Variants in TACC3 observed in about 807,000 individuals in gnomAD.
The protein encoded by TACC3 is transforming acidic coiled-coil containing protein 3.
A neutral mutation model predicts 86.0 loss-of-function variants in TACC3; 52 were observed. That is an observed-to-expected ratio of 0.60 (90% CI 0.48 to 0.76). TACC3 has a LOEUF of 0.76. Ranked by LOEUF, TACC3 falls within the 30% of genes least tolerant of loss-of-function variation. TACC3 has a pLI of 0.00. For synonymous variants in TACC3, 512 were observed against 430.0 expected (o/e 1.19, Z -2.36); for missense variants, 1,120 against 1,070.4 (o/e 1.05, Z -0.65).
In TACC3 at chr4:1,737,641, C is replaced by T. The variant is rs1338487626; in HGVS notation, c.1880C>T (p.Pro627Leu). 6.5e-7 allele frequency: 1 copy of T among 1,542,456 alleles called. No individual in the cohort carries two copies. The highest frequency in any genetic ancestry group is 2.4e-5 in the East Asian group (1 of 40,824). The change falls in exon 10 of 16, where the codon CCC becomes CTC. Residue 627 changes from proline to leucine, a missense_variant. Coordinates refer to ENST00000313288, the MANE Select transcript of TACC3 (RefSeq NM_006342.3). ...PPGVPAPGGPPLSTGPIVDLL... is the reference protein window; with the variant it reads ...PPGVPAPGGPLLSTGPIVDLL... The stretch of plus-strand genomic sequence containing the variant: ...GGTGTTCCCGCGCCTGGGGGCCCAC[C>T]CCTGTCCACCGGACCTATAGTGGAC...
upstream of TACC3, chr4:1,720,758 T>G: frequency 6.3e-7 from 1 of 1,587,398 alleles, no homozygotes. The surrounding 1 kb of genome is among the most constrained non-coding windows in gnomAD (Gnocchi z 4.4). Context: ...CCCCGCCGCG[T>G]GGAACTCGTT....
Position 1,724,903 on chromosome 4 carries a change from A to G in TACC3, c.305+1033A>G, listed in dbSNP as rs572200360. On this transcript the variant is annotated intron_variant, in intron 3 of 15. Transcript: ENST00000313288. ...GGCCTCCTTAGTAGCTGGGACTACA[A>G]CTGTGAGCCACCATGCCCGGCCAAT... Among the ~76,000 whole-genome samples the G allele has an allele frequency of 6.7e-4, 99 of 148,568 alleles. 2 individuals carry two copies. The South Asian group carries it at 0.02, about 31-fold the overall frequency.
chr4:1,730,629 C>G, intron 4 of TACC3: 2 of 624,762 alleles, frequency 3.2e-6, no homozygotes, highest in Non-Finnish European at 6.0e-6. Context: ...TTGGCTGCAT[C>G]GTGCTGACTT....
chr4:1,744,181 A>G (rs931205909), intron 13 of TACC3, among the ~76,000 whole-genome samples: 7 of 152,156 alleles, frequency 4.6e-5, no homozygotes, highest in African/African-American at 1.7e-4. Flanking sequence ...CTCCAGAGGG[A>G]GACGGGCTGG....
chr4:1,737,938 G>A (rs748304727), intron 10 of TACC3: 43 of 634,244 alleles, frequency 6.8e-5, no homozygotes, highest in Admixed American at 1.3e-4. Context: ...CAGCCTCCCC[G>A]GGACTCTCCG....
chr4:1,732,452 G>A (rs1413882813), intron 6 of TACC3, among the ~76,000 whole-genome samples: 3 of 152,170 alleles, frequency 2.0e-5, no homozygotes, highest in Non-Finnish European at 4.4e-5. Context: ...AAATAAATAC[G>A]GTTTGTCCGT....
In TACC3 at chr4:1,735,742, G is replaced by T; in HGVS notation, c.1656G>T (p.Ser552=). The change falls in exon 8 of 16, where the codon TCG becomes TCT. Residue 552 remains serine (S), a synonymous_variant. Transcript: ENST00000313288. The surrounding 1 kb of genome is among the most constrained non-coding windows in gnomAD (Gnocchi z 4.2). ...CCTCTTGTCCCCAGTTTAAGGAGTCGGCCTTGAGGAAGCAGTCCTTATACC... is the reference window on the plus strand; with the variant it reads ...CCTCTTGTCCCCAGTTTAAGGAGTCTGCCTTGAGGAAGCAGTCCTTATACC... The part of the protein sequence containing the change: ...EQFGTSSFKE[S]ALRKQSLYLK... 6.2e-7 allele frequency: 1 copy of T among 1,612,838 alleles called. No homozygotes were observed.
chr4:1,727,472 A>G (rs1196047624), intron 3 of TACC3, among the ~76,000 whole-genome samples: 1 of 152,218 alleles, frequency 6.6e-6, no homozygotes, highest in African/African-American at 2.4e-5. Flanking sequence ...GGGCGGGGTC[A>G]GCGAGGAAGT....
At chr4:1,730,850 TG>T in intron 4 of TACC3, 36 bp from the exon 5 acceptor site, 2 of 1,025,260 alleles carry the variant, frequency 2.0e-6, no homozygotes, top group Non-Finnish European at 2.7e-6. Context: ...GGTTATGGGG[TG>T]GGGGGCATGG....
Position 1,723,748 on chromosome 4 carries a change from G to A in TACC3, c.183G>A (p.Leu61=). The change falls in exon 3 of 16, where the codon CTG becomes CTA. Residue 61 remains leucine, a synonymous_variant. Transcript: ENST00000313288. ...KAMKVTFQTP[L]RDPQTHRILS... ...AACAGGTGACTTTTCAGACACCTCT[G>A]CGGGATCCACAGACGCACAGGATTC... 6.2e-7 allele frequency: 1 copy of A among 1,613,776 alleles called. No homozygotes were observed. Among genetic ancestry groups the A allele is most frequent in the East Asian group, 2.2e-5 (1 of 44,894 alleles).
chr4:1,720,807 CGA>C, upstream of TACC3: 1 of 1,594,464 alleles, frequency 6.3e-7, no homozygotes, highest in Non-Finnish European at 8.5e-7. This position sits in a 1 kb window ranked among gnomAD's most constrained non-coding sequence, Gnocchi z 4.4. Flanking sequence ...ACCAGATAGG[CGA>C]GAGTGAAGGT....
At chr4:1,732,136 A>T (rs1010712475) in intron 6 of TACC3, among the ~76,000 whole-genome samples, 2 of 152,108 alleles carry the variant, frequency 1.3e-5, no homozygotes, top group African/African-American at 2.4e-5. Flanking sequence ...CTGCACTTGA[A>T]TACGGTTTGT....
chr4:1,738,042 C>T (rs1334012904), intron 10 of TACC3: 1 of 393,238 alleles, frequency 2.5e-6, no homozygotes, highest in Non-Finnish European at 5.0e-6. Flanking sequence ...CTCCCGCCCT[C>T]CCACGAGTCC....
intron 8 of TACC3, among the ~76,000 whole-genome samples, chr4:1,736,424 A>G (rs1411164202): frequency 9.1e-6 from 1 of 109,896 alleles, no homozygotes; most frequent in Admixed American, 8.7e-5. Flanking sequence ...CTCCATCTCA[A>G]AAAAAAAAAA....
rs763439497 is a variant in TACC3 at position 1,744,697 on chromosome 4, C to A, written c.2331-15C>A. 2 of 1,612,436 alleles carry A rather than the reference C, an allele frequency of 1.2e-6. No homozygotes were observed. Among genetic ancestry groups the A allele is most frequent in the East Asian group, 2.2e-5 (1 of 44,872 alleles). The stretch of plus-strand genomic sequence containing the variant: ...GGGCCCCAGCTCAGCCTCTGCCCCG[C>A]CCCTACCCCTCCAGGGCAAACGAGG... On this transcript the variant is annotated splice_polypyrimidine_tract_variant and intron_variant, in intron 14 of 15. Transcript: ENST00000313288.
rs1180127161 is a variant in TACC3, at chr4:1,735,955, A to C, written c.1748+121A>C. ...CGGGGGGAGATGATCAGAACTGGAA[A>C]GGAGCTGTGCTAGGGGTGGGCTGGG... On this transcript the variant is annotated intron_variant, in intron 8 of 15. Transcript: ENST00000313288. This position sits in a 1 kb window ranked among gnomAD's most constrained non-coding sequence, Gnocchi z 4.2. The C allele has an allele frequency of 2.7e-6, 2 of 745,502 alleles. No individual in the cohort carries two copies. Among genetic ancestry groups the C allele is most frequent in the Non-Finnish European group, 4.3e-6 (2 of 463,572 alleles). 46.2% of individuals were successfully genotyped at this position (745,502 alleles called of 1,614,324 possible). A position where few individuals can be genotyped will look rare whatever the true frequency, so the allele number is the denominator to read the frequency against.
intron 4 of TACC3, among the ~76,000 whole-genome samples, chr4:1,729,643 CAG>C (rs777302691): frequency 3.3e-5 from 5 of 152,210 alleles, no homozygotes; most frequent in Non-Finnish European, 7.3e-5. Flanking sequence ...ATCTAGAAGA[CAG>C]AGCCAGGTGT....
At chr4:1,726,013 T>C (rs56222212) in intron 3 of TACC3, among the ~76,000 whole-genome samples, 32,715 of 152,206 alleles carry the variant, frequency 0.21, 3,793 homozygotes, top group Non-Finnish European at 0.26. Context: ...ATGGGCCCCT[T>C]ATCTGAGGCA....
At chr4:1,721,434 C>A (rs1447498882), upstream of TACC3, 2 of 152,154 alleles carry the variant, frequency 1.3e-5, no homozygotes, top group Admixed American at 1.3e-4. Context: ...GACGCCCGCC[C>A]TCCTGCGGTC....
Sources: gnomAD v4.1 joint callset for allele counts (sites outside exome capture counted in the v4.1 genomes callset) on GRCh38, gnomAD v4.1.1 for gene constraint, Gnocchi (gnomAD v3.1) non-coding constraint, MANE v1.5 for transcripts, NCBI Gene and HGNC (gene_info 2026-07-23, HGNC 2026-07-21) for gene names.